Variants in SNX29 observed in about 807,000 individuals in gnomAD.
SNX29 encodes the protein sorting nexin-29.
SNX29 carries 78 observed loss-of-function variants against 102.1 expected under a neutral mutation model. The observed-to-expected ratio is 0.76, with a 90% CI of 0.64 to 0.92. The LOEUF (loss-of-function observed/expected upper bound fraction) is 0.92, where lower values mean the gene tolerates loss of function less well. SNX29 is among the 40% of genes least tolerant of loss of function. The pLI is 0.00. For missense variants in SNX29, 1,280 were observed against 1,061.7 expected (o/e 1.21, Z -2.86); for synonymous variants, 580 against 414.5 (o/e 1.40, Z -4.85).
intron 15 of SNX29, among the ~76,000 whole-genome samples, chr16:12,310,087 C>T (rs544112435): frequency 2.1e-5 from 3 of 142,510 alleles, no homozygotes; most frequent in Admixed American, 7.0e-5. Context: ...CACATGTGCA[C>T]ACATGCACAC....
At position 12,098,719 on chromosome 16, in the gene SNX29, C is replaced by T. The variant is rs550762927; in HGVS notation, c.1402+19804C>T. Among the ~76,000 whole-genome samples, 8 of 152,322 alleles carry T rather than the reference C, an allele frequency of 5.3e-5. No individual in the cohort carries two copies. In the East Asian group the frequency reaches 1.3e-3, roughly 26 times the overall value. ...AGACAGACACGTGAAGATCAAGAGG[C>T]TAGCTTTGTCATCAGTAAAGCTGGT... On this transcript the variant is annotated intron_variant, in intron 11 of 20. Transcript: ENST00000566228. The surrounding 1 kb of genome is among the most constrained non-coding windows in gnomAD (Gnocchi z 6.0).
chr16:12,553,362 C>T (rs1005816211), intron 20 of SNX29, among the ~76,000 whole-genome samples: 9 of 152,210 alleles, frequency 5.9e-5, no homozygotes, highest in African/African-American at 1.9e-4. Context: ...CTTCTCAGAG[C>T]TTGCCAGACA....
At chr16:12,322,381 G>C (rs905971331) in intron 15 of SNX29, among the ~76,000 whole-genome samples, 1 of 152,172 alleles carries the variant, frequency 6.6e-6, no homozygotes, top group Non-Finnish European at 1.5e-5. Flanking sequence ...TAGTGTTCAT[G>C]ACAGTTCTCT....
intron 20 of SNX29, among the ~76,000 whole-genome samples, chr16:12,531,996 C>T (rs757258210): frequency 6.6e-6 from 1 of 152,098 alleles, no homozygotes; most frequent in Non-Finnish European, 1.5e-5. Context: ...TGGAGGAATC[C>T]ACAGCGACAG....
At chr16:12,139,193 TAAAAAAAAAAAAAAAAAAAAAA>T (rs34808071) in intron 13 of SNX29, among the ~76,000 whole-genome samples, 1 of 66,134 alleles carries the variant, frequency 1.5e-5, no homozygotes, top group Non-Finnish European at 2.6e-5. Context: ...AGCGAGACTC[TAAAAAAAAAAAAAAAAAAAAAA>T]AAAAAAAGGG....
chr16:12,047,607 A>G (rs2050138922), intron 6 of SNX29, among the ~76,000 whole-genome samples: 1 of 151,344 alleles, frequency 6.6e-6, no homozygotes, highest in Admixed American at 6.6e-5. Context: ...CTTACAGATA[A>G]GGTGACTGGA....
intron 5 of SNX29, 141 bp downstream of exon 5, chr16:12,043,218 T>C (rs1349435452): frequency 1.8e-6 from 2 of 1,113,828 alleles, no homozygotes; most frequent in Admixed American, 4.4e-5. Flanking sequence ...CGGAGTGTTC[T>C]GCTGAGCTGT....
intron 19 of SNX29, among the ~76,000 whole-genome samples, chr16:12,485,633 G>A (rs930752938): frequency 3.9e-5 from 6 of 152,162 alleles, no homozygotes; most frequent in African/African-American, 1.4e-4. Flanking sequence ...GGAGCGAGTG[G>A]ACCTCATGCA....
intron 18 of SNX29, among the ~76,000 whole-genome samples, chr16:12,469,569 A>G (rs570288341): frequency 1.3e-5 from 2 of 152,192 alleles, no homozygotes; most frequent in Admixed American, 6.5e-5. Context: ...AGTTGATAAC[A>G]CTTGTTTTTC....
At chr16:12,401,671 G>A (rs1052593177) in intron 17 of SNX29, among the ~76,000 whole-genome samples, 4 of 152,104 alleles carry the variant, frequency 2.6e-5, no homozygotes, top group African/African-American at 4.8e-5. Context: ...GCCCACAACA[G>A]AGTAAATTTT....
intron 20 of SNX29, among the ~76,000 whole-genome samples, chr16:12,566,045 T>C (rs972977684): frequency 6.6e-6 from 1 of 152,232 alleles, no homozygotes; most frequent in African/African-American, 2.4e-5. Context: ...TGTGTTTGAA[T>C]GTTCACTGTT....
At chr16:12,533,279 C>T (rs768352161) in intron 20 of SNX29, among the ~76,000 whole-genome samples, 6 of 152,240 alleles carry the variant, frequency 3.9e-5, no homozygotes, top group Non-Finnish European at 7.3e-5. Flanking sequence ...GAATCCGTAG[C>T]AGCTTCCTGG....
At chr16:12,121,794 T>A (rs146906787) in intron 11 of SNX29, among the ~76,000 whole-genome samples, 16 of 152,244 alleles carry the variant, frequency 1.1e-4, no homozygotes, top group African/African-American at 3.9e-4. Context: ...GTTTGTTTAT[T>A]TATTCATTTA....
Position 12,332,817 on chromosome 16 carries a change from C to A in SNX29, c.1783-23346C>A, listed in dbSNP as rs568547878. On this transcript the variant is annotated intron_variant, in intron 15 of 20. Coordinates refer to ENST00000566228, the MANE Select transcript of SNX29 (RefSeq NM_032167.5). ...AGTCCTCACGGTCCTGTCTGCTCCTCTTTCATTTCGTCTTGGCTGCTGTTG... is the reference window on the plus strand; with the variant it reads ...AGTCCTCACGGTCCTGTCTGCTCCTATTTCATTTCGTCTTGGCTGCTGTTG... Among the ~76,000 whole-genome samples the A allele has an allele frequency of 4.6e-5, 7 of 152,252 alleles. No individual in the cohort carries two copies. The South Asian group carries it at 1.5e-3, about 32-fold the overall frequency.
intron 18 of SNX29, among the ~76,000 whole-genome samples, chr16:12,428,906 G>A (rs2085196948): frequency 6.6e-6 from 1 of 152,078 alleles, no homozygotes; most frequent in Non-Finnish European, 1.5e-5. Flanking sequence ...ATATCTCCTA[G>A]TTAATCCCAA....
chr16:12,108,472 C>T (rs970786287), intron 11 of SNX29, among the ~76,000 whole-genome samples: 4 of 152,228 alleles, frequency 2.6e-5, no homozygotes, highest in African/African-American at 4.8e-5. Context: ...TGGCTCCAGA[C>T]TTGAACCTTT....
At chr16:12,523,242 C>T (rs1188452303) in intron 19 of SNX29, among the ~76,000 whole-genome samples, 1 of 152,154 alleles carries the variant, frequency 6.6e-6, no homozygotes, top group African/African-American at 2.4e-5. Context: ...AGACGAGTGC[C>T]CCACCTGATG....
At chr16:12,552,324 C>T (rs1253593683) in intron 20 of SNX29, among the ~76,000 whole-genome samples, 3 of 152,176 alleles carry the variant, frequency 2.0e-5, no homozygotes, top group Non-Finnish European at 2.9e-5. Flanking sequence ...GATAATGGAA[C>T]TCCTCTCCTG....
At chr16:11,990,881 A>C (rs1229165206) in intron 1 of SNX29, among the ~76,000 whole-genome samples, 1 of 152,222 alleles carries the variant, frequency 6.6e-6, no homozygotes, top group African/African-American at 2.4e-5. Context: ...TTAACCTGCC[A>C]GCCTTCATTA....
Sources: gnomAD v4.1 joint callset for allele counts (sites outside exome capture counted in the v4.1 genomes callset) on GRCh38, gnomAD v4.1.1 for gene constraint, Gnocchi (gnomAD v3.1) non-coding constraint, MANE v1.5 for transcripts, NCBI Gene and HGNC (gene_info 2026-07-23, HGNC 2026-07-21) for gene names.